The following TUBGCP3 variants were observed in gnomAD, a reference collection of about 807,000 sequenced individuals.
TUBGCP3 encodes tubulin gamma complex component 3.
TUBGCP3 carries 50 observed loss-of-function variants against 123.1 expected under a neutral mutation model. The ratio of observed to expected loss-of-function variants is 0.41; its 90% confidence interval spans 0.32 to 0.51. The LOEUF (loss-of-function observed/expected upper bound fraction) is 0.51. Ranked by LOEUF, TUBGCP3 falls within the 20% of genes least tolerant of loss-of-function variation. The probability of loss-of-function intolerance (pLI) is 0.36; values close to 1 mark genes in which losing one functional copy is unlikely to be tolerated. For missense variants in TUBGCP3, 882 were observed against 1,127.0 expected (o/e 0.78, Z 3.11); for synonymous variants, 405 against 413.9 (o/e 0.98, Z 0.26).
chr13:112,541,389 A>C (rs1878504647), intron 11 of TUBGCP3, among the ~76,000 whole-genome samples: 1 of 152,134 alleles, frequency 6.6e-6, no homozygotes, highest in African/African-American at 2.4e-5. Flanking sequence ...TAAAAATATG[A>C]AAATTAGCTG....
At chr13:112,570,046 G>C (rs141592565) in intron 1 of TUBGCP3, among the ~76,000 whole-genome samples, 1 of 152,324 alleles carries the variant, frequency 6.6e-6, no homozygotes, top group African/African-American at 2.4e-5. Flanking sequence ...AAGCAGGGCT[G>C]AAGGGGGAGA....
intron 3 of TUBGCP3, among the ~76,000 whole-genome samples, chr13:112,562,869 C>T (rs972287580): frequency 6.6e-6 from 1 of 152,194 alleles, no homozygotes. Flanking sequence ...CGCAAAGCAG[C>T]CGTTTAGTGC....
At chr13:112,512,790 A>T (rs1442598109) in intron 17 of TUBGCP3, among the ~76,000 whole-genome samples, 1 of 152,174 alleles carries the variant, frequency 6.6e-6, no homozygotes, top group Non-Finnish European at 1.5e-5. Context: ...AACTTCAGGG[A>T]CCATTTCAGA....
chr13:112,516,099 T>C (rs1180022780), intron 17 of TUBGCP3, among the ~76,000 whole-genome samples: 1 of 152,114 alleles, frequency 6.6e-6, no homozygotes, highest in Admixed American at 6.5e-5. Flanking sequence ...TAGTTTTAGA[T>C]TGTTTTAAAT....
intron 20 of TUBGCP3, among the ~76,000 whole-genome samples, chr13:112,496,331 G>A (rs1880526003): frequency 6.6e-6 from 1 of 152,226 alleles, no homozygotes; most frequent in Non-Finnish European, 1.5e-5. Context: ...CACAATGGCA[G>A]CATAAGAACA....
rs1453797776 is a variant in TUBGCP3, at chr13:112,548,404, G to C, written c.967-228C>G. Among the ~76,000 whole-genome samples, 3 of 152,112 alleles carry C rather than the reference G, an allele frequency of 2.0e-5. No homozygotes were observed. The South Asian group carries it at 6.2e-4, about 32-fold the overall frequency. On this transcript the variant is annotated intron_variant, in intron 8 of 21. Transcript: ENST00000261965. ...CAAAAAGCATGAACTTTGCAGAAGAGGAATGGAAAAAATATATATGGTATA... is the reference window on the plus strand; with the variant it reads ...CAAAAAGCATGAACTTTGCAGAAGACGAATGGAAAAAATATATATGGTATA...
At chr13:112,597,819 G>T in the TUBGCP3 span, among the ~76,000 whole-genome samples, 1 of 152,142 alleles carries the variant, frequency 6.6e-6, no homozygotes, top group Non-Finnish European at 1.5e-5. Flanking sequence ...AGGGGACAGA[G>T]TGAAAAAGCA....
At chr13:112,525,869 C>T (rs1248588259) in intron 13 of TUBGCP3, among the ~76,000 whole-genome samples, 2 of 152,134 alleles carry the variant, frequency 1.3e-5, no homozygotes, top group Non-Finnish European at 2.9e-5. Flanking sequence ...ACAGCTATAC[C>T]TATTCCAACA....
intron 19 of TUBGCP3, among the ~76,000 whole-genome samples, chr13:112,501,902 G>A (rs1304874163): frequency 1.3e-5 from 2 of 152,104 alleles, no homozygotes; most frequent in Non-Finnish European, 2.9e-5. Flanking sequence ...AAATCATCTA[G>A]GGGCAAAAGC....
chr13:112,489,033 C>G (rs1879884396), intron 21 of TUBGCP3, among the ~76,000 whole-genome samples: 1 of 133,376 alleles, frequency 7.5e-6, no homozygotes, highest in African/African-American at 2.9e-5. Flanking sequence ...ACCCCCAGGT[C>G]CCCACATCCC....
chr13:112,571,417 G>C (rs1202773380), intron 1 of TUBGCP3, among the ~76,000 whole-genome samples: 1 of 152,158 alleles, frequency 6.6e-6, no homozygotes, highest in East Asian at 1.9e-4. Flanking sequence ...TTAATAGGAG[G>C]CTTAAAATAT....
chr13:112,583,324 T>C (rs187219268), intron 1 of TUBGCP3, among the ~76,000 whole-genome samples: 40 of 152,368 alleles, frequency 2.6e-4, no homozygotes, highest in African/African-American at 9.4e-4. Context: ...TTGAGCAAGA[T>C]AATTTGGTCT....
chr13:112,581,195 C>A (rs938586347), intron 1 of TUBGCP3, among the ~76,000 whole-genome samples: 1 of 152,138 alleles, frequency 6.6e-6, no homozygotes, highest in Non-Finnish European at 1.5e-5. Flanking sequence ...ACTCACACCC[C>A]CCCATCTTTC....
intron 6 of TUBGCP3, 137 bp from the exon 7 acceptor site, chr13:112,555,142 GAA>G (rs1879920137): frequency 5.0e-6 from 3 of 603,938 alleles, no homozygotes; most frequent in Admixed American, 6.5e-5. Flanking sequence ...AGCTCAAGAT[GAA>G]AAAGAGTATG....
At chr13:112,549,372 T>A (rs59124062) in intron 8 of TUBGCP3, among the ~76,000 whole-genome samples, 52,125 of 151,572 alleles carry the variant, frequency 0.34, 10,231 homozygotes, top group African/African-American at 0.53. Flanking sequence ...ATTAGGAGAT[T>A]TACCTAATGT....
At chr13:112,599,189 A>G in the TUBGCP3 span, among the ~76,000 whole-genome samples, 6 of 152,210 alleles carry the variant, frequency 3.9e-5, no homozygotes, top group African/African-American at 1.2e-4. Context: ...TGTTGGTGGT[A>G]ATAACTTTGA....
chr13:112,505,021 T>A (rs1487559579), intron 17 of TUBGCP3, among the ~76,000 whole-genome samples: 1 of 152,232 alleles, frequency 6.6e-6, no homozygotes, highest in South Asian at 2.1e-4. Context: ...AATAACGCAG[T>A]GCACTGAATA....
At chr13:112,563,869 C>G (rs1418768754) in intron 3 of TUBGCP3, among the ~76,000 whole-genome samples, 1 of 134,298 alleles carries the variant, frequency 7.4e-6, no homozygotes, top group African/African-American at 3.1e-5. Flanking sequence ...AGCAAGACTT[C>G]GCCTCAAAAA....
chr13:112,588,055 G>A lies in TUBGCP3; in HGVS notation c.-75C>T, dbSNP rs892567289. 4.8e-6 allele frequency: 6 copies of A among 1,239,592 alleles called. No individual in the cohort carries two copies. In the East Asian group the frequency reaches 1.2e-4, roughly 26 times the overall value. The allele number at this position is 1,239,592 out of a possible 1,614,324, so 76.8% of individuals were successfully genotyped here. On this transcript the variant is annotated 5_prime_UTR_variant, in exon 1 of 22. Transcript: ENST00000261965. ...CGCACGCGCAGGGACCGCGGCCCGCGCCCTTCCTGCGCCCCGCAAGCTCCC... is the reference window on the plus strand; with the variant it reads ...CGCACGCGCAGGGACCGCGGCCCGCACCCTTCCTGCGCCCCGCAAGCTCCC...
Sources: allele counts gnomAD v4.1 joint callset (sites outside exome capture counted in the v4.1 genomes callset), GRCh38; gene constraint gnomAD v4.1.1; transcripts MANE v1.5; gene names NCBI Gene and HGNC (gene_info 2026-07-23, HGNC 2026-07-21).